Variants in VGLL3 observed in about 807,000 individuals in gnomAD.
VGLL3 encodes transcription cofactor vestigial-like protein 3.
VGLL3 carries 18 observed loss-of-function variants against 29.2 expected under a neutral mutation model. The ratio of observed to expected loss-of-function variants is 0.62; its 90% CI spans 0.43 to 0.91. The LOEUF (loss-of-function observed/expected upper bound fraction) is 0.91. Among genes scored for constraint, VGLL3 ranks in the 40% least tolerant of loss-of-function variants. The probability of loss-of-function intolerance (pLI) is 0.00; values close to 1 mark genes in which losing one functional copy is unlikely to be tolerated. For missense variants in VGLL3, 440 were observed against 413.2 expected (o/e 1.06, Z -0.56); for synonymous variants, 180 against 151.8 (o/e 1.19, Z -1.36).
intron 2 of VGLL3, among the ~76,000 whole-genome samples, chr3:86,969,612 G>C (rs1022991987): frequency 2.0e-5 from 3 of 152,068 alleles, no homozygotes; most frequent in Non-Finnish European, 4.4e-5. Context: ...ATGGAAGTAA[G>C]ATTACAATTA....
chr3:86,989,298 C>T (rs189688740), intron 1 of VGLL3, among the ~76,000 whole-genome samples: 1 of 152,254 alleles, frequency 6.6e-6, no homozygotes, highest in Non-Finnish European at 1.5e-5. Flanking sequence ...CTTTGAAATG[C>T]TGGTGCTGCT....
chr3:86,968,912 C>A lies in VGLL3; in HGVS notation c.615G>T (p.Glu205Asp). 6.2e-7 allele frequency: 1 copy of A among 1,614,102 alleles called. No homozygotes were observed. The highest frequency in any genetic ancestry group is 8.5e-7 in the Non-Finnish European group (1 of 1,180,018). The stretch of plus-strand genomic sequence containing the variant: ...GAGATGTCAAAGGATAAGGCCAGGA[C>A]TCAGACACAGCAGGGGGAGGGGCTG... ...TGPAPPPAVS[E>D]SWPYPLTSQV... is the part of the protein sequence containing the mutation. Residue 205 changes from glutamate to aspartate, a missense_variant, in exon 3 of 4, where the codon GAG (glutamate) becomes GAT (aspartate). Coordinates refer to ENST00000398399, the MANE Select transcript of VGLL3 (RefSeq NM_016206.4).
intron 3 of VGLL3, among the ~76,000 whole-genome samples, chr3:86,959,794 T>C (rs1483447853): frequency 6.6e-6 from 1 of 152,158 alleles, no homozygotes; most frequent in Non-Finnish European, 1.5e-5. Flanking sequence ...TAAAGTGTGT[T>C]ATTTAGCAAG....
At chr3:86,981,457 C>A (rs1334152314) in intron 1 of VGLL3, among the ~76,000 whole-genome samples, 2 of 151,880 alleles carry the variant, frequency 1.3e-5, no homozygotes, top group Non-Finnish European at 1.5e-5. Context: ...AAAAAGAATT[C>A]TCTCATTGTA....
At chr3:86,981,395 A>T (rs928433244) in intron 1 of VGLL3, among the ~76,000 whole-genome samples, 5 of 152,140 alleles carry the variant, frequency 3.3e-5, no homozygotes, top group African/African-American at 1.2e-4. Context: ...AATGGGAAAT[A>T]GTAAGCAAAA....
rs1378511998 is a variant in VGLL3, at chr3:86,939,721, AC to A, written c.*7302del. 6.6e-6 allele frequency: 1 copy of A among 152,312 alleles called. No individual in the cohort carries two copies. Among genetic ancestry groups the A allele is most frequent in the African/African-American group, 2.4e-5 (1 of 41,484 alleles). The allele number at this position is 152,312 out of a possible 1,614,324, so 9.4% of individuals were successfully genotyped here. On this transcript the variant is annotated 3_prime_UTR_variant, in exon 4 of 4. Transcript: ENST00000398399. ...TTACACAGATGCAGCTATTGTAATC[AC>A]ATGAGTCCTTAAATATGTAAGGGAG...
intron 1 of VGLL3, among the ~76,000 whole-genome samples, chr3:86,987,965 T>C (rs1318486692): frequency 6.6e-6 from 1 of 152,222 alleles, no homozygotes; most frequent in Non-Finnish European, 1.5e-5. Context: ...AATGAAGTTC[T>C]GTTATTTCCA....
In VGLL3 at chr3:86,942,493, C is replaced by A. The variant is rs1468405064; in HGVS notation, c.*4531G>T. 6.6e-6 allele frequency: 1 copy of A among 151,840 alleles called. No individual in the cohort carries two copies. Among genetic ancestry groups the A allele is most frequent in the African/African-American group, 2.4e-5 (1 of 41,288 alleles). The allele number at this position is 151,840 out of a possible 1,614,324, so 9.4% of individuals were successfully genotyped here. A position where few individuals can be genotyped will look rare whatever the true frequency, so the allele number is the denominator to read the frequency against. ...GGAAGATTTTTTCCACCATATTTTC[C>A]AACTTTCCTTCAAGTCAAGTAAAAA... On this transcript the variant is annotated 3_prime_UTR_variant, in exon 4 of 4. Transcript: ENST00000398399.
At chr3:86,955,894 C>T (rs181676872) in intron 3 of VGLL3, among the ~76,000 whole-genome samples, 1 of 152,188 alleles carries the variant, frequency 6.6e-6, no homozygotes, top group Non-Finnish European at 1.5e-5. Flanking sequence ...AAGTCCCCAG[C>T]ATATCAGACT....
At chr3:86,957,896 CCTT>C (rs1704755292) in intron 3 of VGLL3, among the ~76,000 whole-genome samples, 1 of 152,072 alleles carries the variant, frequency 6.6e-6, no homozygotes, top group African/African-American at 2.4e-5. Flanking sequence ...AAGTCCTTCT[CCTT>C]CTTTCCTCCT....
rs1704495359 is a variant in VGLL3, at chr3:86,945,805, C to T, written c.*1219G>A. ...TAAATCAAGTAAAGCCAGATTTAAA[C>T]AAACAAAAAAAGAGACTTGTTAAGT... On this transcript the variant is annotated 3_prime_UTR_variant, in exon 4 of 4. Transcript: ENST00000398399. 6.6e-6 allele frequency: 1 copy of T among 151,878 alleles called. No individual in the cohort carries two copies. Among genetic ancestry groups the T allele is most frequent in the Non-Finnish European group, 1.5e-5 (1 of 67,912 alleles). 9.4% of individuals were successfully genotyped at this position (151,878 alleles called of 1,614,324 possible).
chr3:86,948,388 T>A (rs1014880618), intron 3 of VGLL3, among the ~76,000 whole-genome samples: 2 of 152,160 alleles, frequency 1.3e-5, no homozygotes, highest in African/African-American at 4.8e-5. Context: ...ACATTTCTTA[T>A]CCCTCAACTA....
At chr3:86,978,150 C>A (rs947862251) in intron 2 of VGLL3, among the ~76,000 whole-genome samples, 2 of 152,174 alleles carry the variant, frequency 1.3e-5, no homozygotes, top group African/African-American at 2.4e-5. Context: ...CACCACATAG[C>A]ACCTATTGGA....
intron 3 of VGLL3, among the ~76,000 whole-genome samples, chr3:86,961,244 T>A (rs2106994203): frequency 6.6e-6 from 1 of 152,238 alleles, no homozygotes; most frequent in South Asian, 2.1e-4. Flanking sequence ...ATGACTACTT[T>A]TGTTTTTGGT....
chr3:86,989,751 T>C (rs561505834), intron 1 of VGLL3, among the ~76,000 whole-genome samples: 6 of 152,254 alleles, frequency 3.9e-5, no homozygotes, highest in African/African-American at 1.2e-4. Context: ...CACATACATT[T>C]TTTATTTTAA....
chr3:86,982,094 C>T (rs919218095), intron 1 of VGLL3, among the ~76,000 whole-genome samples: 3 of 152,178 alleles, frequency 2.0e-5, no homozygotes, highest in African/African-American at 7.2e-5. Flanking sequence ...GGTGCCTCAA[C>T]TACTTTCTAA....
rs1704447602 is a variant in VGLL3, at chr3:86,943,777, G to T, written c.*3247C>A. On this transcript the variant is annotated 3_prime_UTR_variant, in exon 4 of 4. Coordinates refer to ENST00000398399, the MANE Select transcript of VGLL3 (RefSeq NM_016206.4). ...AGACAAAATAATCTGTTAGGTTCCT[G>T]ATTTGTCAACATTATGTTGTTTCTT... 1 of 152,098 alleles carries T rather than the reference G, an allele frequency of 6.6e-6. No homozygotes were observed. Among genetic ancestry groups the T allele is most frequent in the African/African-American group, 2.4e-5 (1 of 41,422 alleles). The allele number at this position is 152,098 out of a possible 1,614,324, so 9.4% of individuals were successfully genotyped here.
intron 2 of VGLL3, among the ~76,000 whole-genome samples, chr3:86,976,392 T>G (rs1705211825): frequency 6.6e-6 from 1 of 152,250 alleles, no homozygotes; most frequent in Non-Finnish European, 1.5e-5. Flanking sequence ...ATTGTTTGTT[T>G]CCTGTTTCTA....
intron 2 of VGLL3, among the ~76,000 whole-genome samples, chr3:86,972,686 C>T (rs999051990): frequency 6.6e-6 from 1 of 152,104 alleles, no homozygotes; most frequent in African/African-American, 2.4e-5. Flanking sequence ...TATTACATTT[C>T]AGGTGAGTGA....
Sources: gnomAD v4.1 joint callset for allele counts (sites outside exome capture counted in the v4.1 genomes callset) on GRCh38, gnomAD v4.1.1 for gene constraint, MANE v1.5 for transcripts, NCBI Gene and HGNC (gene_info 2026-07-23, HGNC 2026-07-21) for gene names.